TENM1: variants seen among roughly 807,000 people sequenced by gnomAD.
The protein encoded by TENM1 is teneurin transmembrane protein 1.
In TENM1, 35 loss-of-function variants were observed where a neutral mutation model predicts 174.8. The ratio of observed to expected loss-of-function variants is 0.20; its 90% CI spans 0.15 to 0.27. TENM1 has a LOEUF of 0.27. Ranked by LOEUF, TENM1 falls within the 10% of genes least tolerant of loss-of-function variation. The probability of loss-of-function intolerance (pLI) is 1.00; values close to 1 mark genes in which losing one functional copy is unlikely to be tolerated. For missense variants in TENM1, 1,633 were observed against 2,130.1 expected (o/e 0.77, Z 4.59); for synonymous variants, 781 against 798.7 (o/e 0.98, Z 0.37).
At chrX:125,002,361 C>T in the TENM1 span, among the ~76,000 whole-genome samples, 2 of 111,209 alleles carry the variant, frequency 1.8e-5, no homozygotes, top group African/African-American at 6.5e-5. Context: ...GGTCCAAACT[C>T]GGTAAATTTC....
At chrX:124,464,505 G>A (rs925560861) in intron 22 of TENM1, among the ~76,000 whole-genome samples, 1 of 112,057 alleles carries the variant, frequency 8.9e-6, no homozygotes, top group Non-Finnish European at 1.9e-5. Context: ...CCCTGCATCC[G>A]TATGTCTTGA....
chrX:124,727,223 T>C (rs2053461225), intron 4 of TENM1, among the ~76,000 whole-genome samples: 1 of 112,413 alleles, frequency 8.9e-6, no homozygotes, highest in Non-Finnish European at 1.9e-5. Context: ...GTCATGTTAA[T>C]CCCAACACCA....
chrX:124,573,888 A>G (rs2105868), intron 11 of TENM1, among the ~76,000 whole-genome samples: 27,875 of 111,214 alleles, frequency 0.25, 2,653 homozygotes, highest in South Asian at 0.42. Context: ...GAACTAACAG[A>G]AAACAGATGC....
At chrX:125,045,238 C>T in the TENM1 span, among the ~76,000 whole-genome samples, 3 of 111,333 alleles carry the variant, frequency 2.7e-5, no homozygotes, top group Non-Finnish European at 5.7e-5. Flanking sequence ...TCTCTTGACA[C>T]GTGGGGATTA....
chrX:124,687,143 G>A (rs940310934), intron 5 of TENM1, among the ~76,000 whole-genome samples: 1 of 111,207 alleles, frequency 9.0e-6, no homozygotes, highest in African/African-American at 3.3e-5. Flanking sequence ...ATATAGCCAC[G>A]ACAATCCTAA....
chrX:124,702,319 G>C (rs1480659913), intron 5 of TENM1, among the ~76,000 whole-genome samples: 1 of 111,607 alleles, frequency 9.0e-6, no homozygotes, highest in Non-Finnish European at 1.9e-5. Flanking sequence ...TAAATCAAGA[G>C]AGATTTTTAC....
chrX:124,895,271 G>A (rs1428308546), intron 2 of TENM1, among the ~76,000 whole-genome samples: 1 of 111,995 alleles, frequency 8.9e-6, no homozygotes, highest in Non-Finnish European at 1.9e-5. Context: ...AGACTAATGT[G>A]TTTAATAAGC....
intron 11 of TENM1, among the ~76,000 whole-genome samples, chrX:124,635,651 G>T (rs1343717559): frequency 8.9e-6 from 1 of 112,325 alleles, no homozygotes; most frequent in Non-Finnish European, 1.9e-5. Context: ...GTTTCATCAA[G>T]AAGAGAGTAG....
chrX:124,669,654 T>C (rs1313487229), intron 6 of TENM1, among the ~76,000 whole-genome samples: 4 of 111,423 alleles, frequency 3.6e-5, no homozygotes, highest in African/African-American at 1.3e-4. Context: ...AAGGTTTTGT[T>C]CAGGCTTCCA....
the TENM1 span, among the ~76,000 whole-genome samples, chrX:125,071,761 A>G: frequency 9.0e-6 from 1 of 111,497 alleles, no homozygotes; most frequent in African/African-American, 3.2e-5. Context: ...TGTTTGTTGA[A>G]TTGATTAATA....
At chrX:124,457,508 ATT>A (rs1457871372) in intron 22 of TENM1, among the ~76,000 whole-genome samples, 1 of 112,472 alleles carries the variant, frequency 8.9e-6, no homozygotes, top group Non-Finnish European at 1.9e-5. Context: ...AGGCAAAATT[ATT>A]TGACTTCTTC....
At chrX:124,804,149 T>C (rs1488685688) in intron 3 of TENM1, among the ~76,000 whole-genome samples, 1 of 112,118 alleles carries the variant, frequency 8.9e-6, no homozygotes, top group Non-Finnish European at 1.9e-5. Context: ...GAACTAAGCA[T>C]ATGCAATTTT....
intron 1 of TENM1, among the ~76,000 whole-genome samples, chrX:124,946,406 T>C (rs1231716776): frequency 1.8e-5 from 2 of 111,393 alleles, no homozygotes; most frequent in Admixed American, 1.9e-4. Context: ...ATTAACCGTA[T>C]GAAAGAGGAT....
chrX:124,868,934 A>T (rs985879430), intron 3 of TENM1, among the ~76,000 whole-genome samples: 2 of 110,320 alleles, frequency 1.8e-5, no homozygotes, highest in Non-Finnish European at 3.8e-5. Context: ...GTAAGATGTG[A>T]TCTCACCCGG....
chrX:124,376,571 T>C (rs1017447168), exon 32 of TENM1: 1 of 112,154 alleles, frequency 8.9e-6, no homozygotes, highest in Non-Finnish European at 1.9e-5. Context: ...AGTTTAACTC[T>C]AAGTATTTTC....
intron 3 of TENM1, among the ~76,000 whole-genome samples, chrX:124,752,920 G>A (rs1374714780): frequency 1.8e-5 from 2 of 110,955 alleles, no homozygotes; most frequent in African/African-American, 3.3e-5. Flanking sequence ...TTGAAGTCAG[G>A]TAGCATGATG....
chrX:124,837,194 T>C lies in TENM1; in HGVS notation c.535+57102A>G, dbSNP rs757102974. 2.1e-3 allele frequency among the ~76,000 whole-genome samples: 239 copies of C among 112,446 alleles called. 1 individual carries two copies. The highest frequency in any genetic ancestry group is 7.3e-3 in the African/African-American group (226 of 30,992). On this transcript the variant is annotated intron_variant, in intron 3 of 31. Transcript: ENST00000422452. ...ACCTGTGCCTCCCGGGTTCAAGTGA[T>C]TCTCCTGCCTCAGCCTCCCAAGTAG...
intron 16 of TENM1, among the ~76,000 whole-genome samples, chrX:124,523,978 G>A (rs763191862): frequency 1.3e-4 from 14 of 106,955 alleles, no homozygotes; most frequent in African/African-American, 4.8e-4. Context: ...GGGTTCAAGC[G>A]ATTCTCCTGT....
chrX:125,067,862 A>C, the TENM1 span, among the ~76,000 whole-genome samples: 11 of 112,014 alleles, frequency 9.8e-5, no homozygotes, highest in East Asian at 2.2e-3. Context: ...TGAGAGAATA[A>C]AAGTTGGCTT....
Sources: allele counts gnomAD v4.1 joint callset (sites outside exome capture counted in the v4.1 genomes callset), GRCh38; gene constraint gnomAD v4.1.1; transcripts MANE v1.5; gene names NCBI Gene and HGNC (gene_info 2026-07-23, HGNC 2026-07-21).